Variants in ASB11 observed in about 807,000 individuals in gnomAD.
ASB11 encodes the protein ankyrin repeat and SOCS box protein 11.
A neutral mutation model predicts 20.1 loss-of-function variants in ASB11; 17 were observed. That is an observed-to-expected ratio of 0.85 (90% CI 0.58 to 1.27). ASB11 has a LOEUF of 1.27. ASB11 is among the 50% of genes most tolerant of loss of function. The pLI is 0.00. For missense variants in ASB11, 259 were observed against 256.9 expected (o/e 1.01, Z -0.06); for synonymous variants, 107 against 105.6 (o/e 1.01, Z -0.08).
chrX:15,298,544 G>A (rs895925562), intron 2 of ASB11, among the ~76,000 whole-genome samples: 12 of 111,306 alleles, frequency 1.1e-4, no homozygotes, highest in Middle Eastern at 4.6e-3. Context: ...GCTAGGCTGC[G>A]GAGGGTCTGG....
At position 15,289,593 on chromosome X, in the gene ASB11, A is replaced by G. The variant is rs372379424; in HGVS notation, c.566T>C (p.Ile189Thr). The change falls in exon 5 of 7, where the codon ATT becomes ACT. Residue 189 changes from isoleucine to threonine, a missense_variant. Transcript: ENST00000480796. ...MEILLANNVN[I>T]DHEVPQLGTP... ...TCCGAGCTGAGGCACCTCATGGTCAATGTTAACATTATTTGCCAGCAGGAT... is the reference window on the plus strand; with the variant it reads ...TCCGAGCTGAGGCACCTCATGGTCAGTGTTAACATTATTTGCCAGCAGGAT... The G allele has an allele frequency of 9.0e-5, 109 of 1,208,742 alleles. No homozygotes were observed. The East Asian group carries it at 2.2e-3, about 24-fold the overall frequency.
intron 2 of ASB11, among the ~76,000 whole-genome samples, chrX:15,299,719 T>C (rs1921009543): frequency 9.0e-6 from 1 of 111,155 alleles, no homozygotes; most frequent in Admixed American, 9.6e-5. Flanking sequence ...ATTCAGATGG[T>C]TGGAGAGGGG....
rs1487092769 is a variant in ASB11 at position 15,297,579 on chromosome X, C to G, written c.364G>C (p.Ala122Pro). The change falls in exon 3 of 7, where the codon GCA becomes CCA. Residue 122 changes from alanine (A) to proline (P), a missense_variant. Ala to Pro is a conservative substitution (Grantham distance 27, BLOSUM62 -1). Coordinates refer to ENST00000480796, the MANE Select transcript of ASB11 (RefSeq NM_080873.3). ...TGGGCAGGGGCAGTACTCACGTGTG[C>G]ACCATTTTCCAATAAGGCTTTGGCA... ...ACAKALLENG[A>P]HVNGVTVHGA... The G allele has an allele frequency of 8.4e-7, 1 of 1,190,886 alleles. No individual in the cohort carries two copies. Among genetic ancestry groups the G allele is most frequent in the African/African-American group, 1.8e-5 (1 of 56,592 alleles).
At chrX:15,285,149 T>TTG (rs1927344910) in intron 6 of ASB11, among the ~76,000 whole-genome samples, 1 of 104,049 alleles carries the variant, frequency 9.6e-6, no homozygotes, top group South Asian at 4.5e-4. Context: ...TCTTTTTTTT[T>TTG]TTTTTTTTTT....
chrX:15,307,955 C>A (rs910520360), intron 1 of ASB11, among the ~76,000 whole-genome samples: 2 of 112,094 alleles, frequency 1.8e-5, no homozygotes, highest in African/African-American at 6.5e-5. Flanking sequence ...CAGCTCCTGG[C>A]CTTTTCCCAC....
At chrX:15,308,035 C>T (rs892751166) in intron 1 of ASB11, among the ~76,000 whole-genome samples, 3 of 111,959 alleles carry the variant, frequency 2.7e-5, no homozygotes, top group African/African-American at 9.7e-5. Flanking sequence ...ATGTTCTTCA[C>T]ATGCTTCCCA....
chrX:15,294,999 G>A (rs1920955262), intron 3 of ASB11, among the ~76,000 whole-genome samples: 1 of 111,957 alleles, frequency 8.9e-6, no homozygotes, highest in South Asian at 3.7e-4. Flanking sequence ...CTCTCCTTGA[G>A]TAGGCTGAAT....
At chrX:15,313,187 T>C (rs1333207591) in intron 1 of ASB11, among the ~76,000 whole-genome samples, 1 of 111,231 alleles carries the variant, frequency 9.0e-6, no homozygotes, top group South Asian at 3.7e-4. Context: ...TCACTTGAGG[T>C]CAGGAGTTCG....
chrX:15,309,828 C>T (rs181936570), intron 1 of ASB11, among the ~76,000 whole-genome samples: 144 of 108,080 alleles, frequency 1.3e-3, no homozygotes, highest in African/African-American at 4.7e-3. Flanking sequence ...ATTAGCCAGG[C>T]GTGGTGGCGG....
chrX:15,284,789 T>C (rs1306587107), intron 6 of ASB11, among the ~76,000 whole-genome samples: 2 of 112,086 alleles, frequency 1.8e-5, no homozygotes, highest in Non-Finnish European at 3.8e-5. Flanking sequence ...CTGACTGTTA[T>C]CAGTAAAGAT....
chrX:15,303,820 C>T (rs1409257525), intron 1 of ASB11, among the ~76,000 whole-genome samples: 3 of 112,133 alleles, frequency 2.7e-5, no homozygotes, highest in African/African-American at 6.5e-5. Flanking sequence ...TTAAGTGCTC[C>T]GGACATTGTA....
intron 3 of ASB11, among the ~76,000 whole-genome samples, chrX:15,294,952 A>AGACAATTGCCTCTCCTTGAGTGGGCTG (rs2147692400): frequency 8.9e-6 from 1 of 112,557 alleles, no homozygotes; most frequent in South Asian, 3.7e-4. Flanking sequence ...AACAATGATA[A>AGACAATTGCCTCTCCTTGAGTGGGCTG]GACAATTGCC....
intron 1 of ASB11, among the ~76,000 whole-genome samples, chrX:15,303,398 G>T (rs757825078): frequency 4.3e-4 from 48 of 112,190 alleles, no homozygotes; most frequent in African/African-American, 1.5e-3. Flanking sequence ...TTATGAATTT[G>T]TGTTGGGCCA....
At chrX:15,309,967 C>CAAAAAAAAAAAAAAAA (rs60765469) in intron 1 of ASB11, among the ~76,000 whole-genome samples, 305 of 15,482 alleles carry the variant, frequency 0.02, 46 homozygotes, top group Non-Finnish European at 0.032. Context: ...GACTCCGTCT[C>CAAAAAAAAAAAAAAAA]AAAAAAAAAA....
intron 3 of ASB11, 45 bp from the exon 4 acceptor site, chrX:15,293,365 C>A: frequency 8.6e-7 from 1 of 1,158,293 alleles, no homozygotes; most frequent in Non-Finnish European, 1.2e-6. Context: ...TTATTTCATT[C>A]TCACCATCTC....
chrX:15,308,571 A>G (rs1245600889), intron 1 of ASB11, among the ~76,000 whole-genome samples: 1 of 111,338 alleles, frequency 9.0e-6, no homozygotes, highest in Non-Finnish European at 1.9e-5. Context: ...TACCCATCCC[A>G]TAGCTTCCAG....
At chrX:15,304,058 T>A (rs1463352352) in intron 1 of ASB11, among the ~76,000 whole-genome samples, 1 of 112,998 alleles carries the variant, frequency 8.8e-6, no homozygotes, top group African/African-American at 3.2e-5. Context: ...TGGTTGTGCT[T>A]TTCATGCACT....
intron 2 of ASB11, 38 bp from the exon 3 acceptor site, chrX:15,297,719 C>T: frequency 8.7e-7 from 1 of 1,149,830 alleles, no homozygotes; most frequent in African/African-American, 1.8e-5. Context: ...TTATTTTTTA[C>T]AGACTGGGGT....
At position 15,309,967 on chromosome X, in the gene ASB11, CA is replaced by C. The variant is rs60765469; in HGVS notation, c.181+5457del. 8.6e-3 allele frequency among the ~76,000 whole-genome samples: 134 copies of C among 15,520 alleles called. 2 individuals are homozygous for C. The highest frequency in any genetic ancestry group is 0.02 in the African/African-American group (94 of 4,743). The allele number at this position is 15,520 out of a possible 115,157, so 13.5% of individuals were successfully genotyped here. ...TGGGCGACAGAGCAAGACTCCGTCTCAAAAAAAAAAAAAAAAAAAAAAAAGT... is the reference window on the plus strand; with the variant it reads ...TGGGCGACAGAGCAAGACTCCGTCTCAAAAAAAAAAAAAAAAAAAAAAAGT... On this transcript the variant is annotated intron_variant, in intron 1 of 6. Transcript: ENST00000480796.
Sources: allele counts gnomAD v4.1 joint callset (sites outside exome capture counted in the v4.1 genomes callset), GRCh38; gene constraint gnomAD v4.1.1; transcripts MANE v1.5; gene names NCBI Gene and HGNC (gene_info 2026-07-23, HGNC 2026-07-21).